Variants in GTF2A2 observed in about 807,000 individuals in gnomAD.
GTF2A2 encodes the protein general transcription factor IIA subunit 2.
A neutral mutation model predicts 14.3 loss-of-function variants in GTF2A2; 9 were observed. The observed-to-expected ratio is 0.63, with a 90% confidence interval of 0.38 to 1.10. The LOEUF is 1.10. GTF2A2 is among the 50% of genes least tolerant of loss of function. GTF2A2 has a pLI of 0.01. For missense variants in GTF2A2, 90 were observed against 124.6 expected (o/e 0.72, Z 1.32); for synonymous variants, 56 against 46.0 (o/e 1.22, Z -0.88).
Position 59,642,280 on chromosome 15 carries a change from T to A in GTF2A2, c.178-18A>T, listed in dbSNP as rs1891455033. 6.4e-7 allele frequency: 1 copy of A among 1,574,096 alleles called. No individual in the cohort carries two copies. Among genetic ancestry groups the A allele is most frequent in the Non-Finnish European group, 8.6e-7 (1 of 1,162,708 alleles). ...AGAGAGCCCTTTAAAACAAAACATTTAGAAATACCGTGAAACGTTTTTTCC... is the reference window on the plus strand; with the variant it reads ...AGAGAGCCCTTTAAAACAAAACATTAAGAAATACCGTGAAACGTTTTTTCC... On this transcript the variant is annotated intron_variant, in intron 3 of 4. Transcript: ENST00000396060.
intron 3 of GTF2A2, among the ~76,000 whole-genome samples, chr15:59,647,006 TAC>T (rs1284370557): frequency 1.3e-5 from 2 of 150,100 alleles, no homozygotes; most frequent in Admixed American, 6.7e-5. Context: ...ATACTATATA[TAC>T]ATATACTCTA....
intron 3 of GTF2A2, among the ~76,000 whole-genome samples, chr15:59,646,220 C>A (rs562203952): frequency 6.6e-6 from 1 of 152,110 alleles, no homozygotes; most frequent in Admixed American, 6.6e-5. Flanking sequence ...CCACACCCAG[C>A]TAATTTTTGT....
chr15:59,644,654 A>T (rs566264420), intron 3 of GTF2A2, among the ~76,000 whole-genome samples: 1 of 152,344 alleles, frequency 6.6e-6, no homozygotes, highest in Admixed American at 6.5e-5. Flanking sequence ...AAGAGTATGG[A>T]GGACACAAGG....
Position 59,646,959 on chromosome 15 carries a change from TAAGTA to T in GTF2A2, c.177+3705_177+3709del, listed in dbSNP as rs143133723. ...GAAAGTCAGAATCCATTTAGTATCT[TAAGTA>T]TAGTATAAAAACGATGTTTATATAT... On this transcript the variant is annotated intron_variant, in intron 3 of 4. Transcript: ENST00000396060. Among the ~76,000 whole-genome samples, 611 of 151,186 alleles carry T rather than the reference TAAGTA, an allele frequency of 4.0e-3. 3 individuals carry two copies. Among genetic ancestry groups the T allele is most frequent in the African/African-American group, 0.014 (580 of 41,338 alleles).
At chr15:59,646,261 G>T (rs1891603584) in intron 3 of GTF2A2, among the ~76,000 whole-genome samples, 1 of 152,044 alleles carries the variant, frequency 6.6e-6, no homozygotes, top group African/African-American at 2.4e-5. Context: ...TTACCATATT[G>T]GTCAGGCTGG....
chr15:59,645,316 G>A (rs1459829190), intron 3 of GTF2A2, among the ~76,000 whole-genome samples: 2 of 152,330 alleles, frequency 1.3e-5, no homozygotes, highest in East Asian at 1.9e-4. Flanking sequence ...AGGGTTGGAT[G>A]AGACCAAGGA....
At chr15:59,650,946 T>C (rs1262373980) in intron 2 of GTF2A2, among the ~76,000 whole-genome samples, 173 bp from the exon 3 acceptor site, 2 of 152,246 alleles carry the variant, frequency 1.3e-5, no homozygotes, top group East Asian at 3.8e-4. Context: ...CTTGAAGACA[T>C]CTTTTGTACT....
chr15:59,643,595 C>CT (rs34047348), intron 3 of GTF2A2, among the ~76,000 whole-genome samples: 1,870 of 109,772 alleles, frequency 0.017, 38 homozygotes, highest in Admixed American at 0.048. Context: ...GAAATTTTTA[C>CT]TTTTTTTTTT....
At position 59,638,633 on chromosome 15, in the gene GTF2A2, A is replaced by ATGAT. The variant is rs1380791727; in HGVS notation, c.*495_*498dup. 1 of 152,340 alleles carries ATGAT rather than the reference A, an allele frequency of 6.6e-6. No individual in the cohort carries two copies. Among genetic ancestry groups the ATGAT allele is most frequent in the Non-Finnish European group, 1.5e-5 (1 of 68,182 alleles). The allele number at this position is 152,340 out of a possible 1,614,324, so 9.4% of individuals were successfully genotyped here. On this transcript the variant is annotated 3_prime_UTR_variant, in exon 5 of 5. Transcript: ENST00000396060. ...GTTGTACTTGGGTTTTTTTATACCA[A>ATGAT]TGATTAACTTTGGTTTTGTATTTTA... is the stretch of plus-strand genomic sequence containing the variant.
intron 4 of GTF2A2, among the ~76,000 whole-genome samples, chr15:59,639,464 ATTT>A (rs10643204): frequency 2.8e-5 from 4 of 142,580 alleles, no homozygotes; most frequent in Non-Finnish European, 4.5e-5. Context: ...ACTGTCCCAA[ATTT>A]TTTTTTTTTT....
At chr15:59,648,178 G>T (rs187189182) in intron 3 of GTF2A2, among the ~76,000 whole-genome samples, 1 of 151,946 alleles carries the variant, frequency 6.6e-6, no homozygotes, top group Non-Finnish European at 1.5e-5. Context: ...GGAGGCCGAG[G>T]CGGGCGGATC....
At chr15:59,640,165 G>GTGCTGAAGTGTGAGACTACACCA (rs1294114454) in intron 4 of GTF2A2, 2 of 152,298 alleles carry the variant, frequency 1.3e-5, no homozygotes, top group South Asian at 2.1e-4. Context: ...TTACTACACC[G>GTGCTGAAGTGTGAGACTACACCA]TGCTGAAGTG....
At chr15:59,656,913 A>C (rs1207978405) in intron 1 of GTF2A2, 1 of 152,268 alleles carries the variant, frequency 6.6e-6, no homozygotes, top group Non-Finnish European at 1.5e-5. Context: ...TCAGAAAATT[A>C]GAAGTCAAAT....
chr15:59,648,037 G>C (rs761036697), intron 3 of GTF2A2, among the ~76,000 whole-genome samples: 1 of 152,030 alleles, frequency 6.6e-6, no homozygotes, highest in African/African-American at 2.4e-5. Context: ...ATTACTGTTC[G>C]AGGCTCAACA....
chr15:59,655,713 T>C (rs1388367183), intron 1 of GTF2A2, among the ~76,000 whole-genome samples: 1 of 152,218 alleles, frequency 6.6e-6, no homozygotes, highest in Non-Finnish European at 1.5e-5. Context: ...AGCATAGAAC[T>C]TCTCACTCCT....
chr15:59,648,829 G>GTCCCA (rs2141963506), intron 3 of GTF2A2, among the ~76,000 whole-genome samples: 1 of 152,182 alleles, frequency 6.6e-6, no homozygotes, highest in African/African-American at 2.4e-5. Flanking sequence ...AGCTACTCGG[G>GTCCCA]GGGCTGAGGC....
At chr15:59,650,324 A>G (rs564469941) in intron 3 of GTF2A2, among the ~76,000 whole-genome samples, 30 of 152,272 alleles carry the variant, frequency 2.0e-4, no homozygotes, top group African/African-American at 7.2e-4. Flanking sequence ...GAAAACCATA[A>G]CAGAACCTTG....
At chr15:59,645,591 A>T (rs1176446469) in intron 3 of GTF2A2, among the ~76,000 whole-genome samples, 1 of 152,222 alleles carries the variant, frequency 6.6e-6, no homozygotes, top group Non-Finnish European at 1.5e-5. Flanking sequence ...AGGGAAAAAG[A>T]CACAAAATTG....
intron 4 of GTF2A2, chr15:59,640,135 A>G (rs1402100033): frequency 3.6e-5 from 4 of 110,580 alleles, no homozygotes; most frequent in East Asian, 4.2e-4. Context: ...TGAGTCAACA[A>G]TCTTCTCACT....
Sources: gnomAD v4.1 joint callset for allele counts (sites outside exome capture counted in the v4.1 genomes callset) on GRCh38, gnomAD v4.1.1 for gene constraint, MANE v1.5 for transcripts, NCBI Gene and HGNC (gene_info 2026-07-23, HGNC 2026-07-21) for gene names.